CLPB: variants seen among roughly 807,000 people sequenced by gnomAD.
The protein encoded by CLPB is ClpB family mitochondrial disaggregase.
Under a neutral mutation model 78.4 loss-of-function variants are expected in CLPB, and 40 were observed. That is an observed-to-expected ratio of 0.51 (90% CI 0.40 to 0.66). The LOEUF (loss-of-function observed/expected upper bound fraction) is 0.66, where lower values mean the gene tolerates loss of function less well. Among genes scored for constraint, CLPB ranks in the 30% least tolerant of loss-of-function variants. The pLI is 0.00. For synonymous variants in CLPB, 333 were observed against 348.0 expected (o/e 0.96, Z 0.48); for missense variants, 780 against 886.9 (o/e 0.88, Z 1.53).
chr11:72,423,719 C>T (rs539061664), intron 2 of CLPB, among the ~76,000 whole-genome samples: 1 of 152,348 alleles, frequency 6.6e-6, no homozygotes, highest in Non-Finnish European at 1.5e-5. Context: ...AATTCCTCAA[C>T]GGTTGCCCAT....
At chr11:72,363,653 C>T (rs1479189693) in intron 4 of CLPB, 2 of 152,214 alleles carry the variant, frequency 1.3e-5, no homozygotes, top group African/African-American at 4.8e-5. Context: ...CAAGTACTAT[C>T]ATCTCTATTG....
At chr11:72,372,774 C>A (rs1590861351) in intron 4 of CLPB, 1 of 679,666 alleles carries the variant, frequency 1.5e-6, no homozygotes, top group East Asian at 2.6e-5. Flanking sequence ...TCTCCAAGAG[C>A]ATGCATTCTC....
At chr11:72,299,483 G>A (rs1321643527) in intron 11 of CLPB, among the ~76,000 whole-genome samples, 2 of 151,720 alleles carry the variant, frequency 1.3e-5, no homozygotes, top group Non-Finnish European at 2.9e-5. Context: ...CTCTGCAATC[G>A]AGCAGTACTG....
At chr11:72,295,040 G>A (rs1949525449) in intron 12 of CLPB, among the ~76,000 whole-genome samples, 1 of 152,224 alleles carries the variant, frequency 6.6e-6, no homozygotes, top group Non-Finnish European at 1.5e-5. Context: ...ACAGCTTCCT[G>A]CCGGATGTGC....
At chr11:72,349,969 T>A (rs1273122237) in intron 5 of CLPB, among the ~76,000 whole-genome samples, 2 of 152,240 alleles carry the variant, frequency 1.3e-5, no homozygotes, top group Non-Finnish European at 2.9e-5. Context: ...ATCTGAGGAC[T>A]GCTTGGAGCC....
rs77158660 is a variant in CLPB, at chr11:72,381,121, C to G, written c.543-737G>C. ...GAGATTATAGCACCTGGGCGTAGCA[C>G]AGAGGTAAAGAAAAGATTACCTACA... On this transcript the variant is annotated intron_variant, in intron 3 of 15. Coordinates refer to ENST00000538039, the MANE Select transcript of CLPB (RefSeq NM_001258392.3). Among the ~76,000 whole-genome samples, 329 of 152,312 alleles carry G rather than the reference C, an allele frequency of 2.2e-3. 1 individual carries two copies. The highest frequency in any genetic ancestry group is 7.5e-3 in the African/African-American group (313 of 41,556).
At chr11:72,364,236 C>T (rs1208569119) in intron 4 of CLPB, among the ~76,000 whole-genome samples, 1 of 152,068 alleles carries the variant, frequency 6.6e-6, no homozygotes, top group Non-Finnish European at 1.5e-5. Flanking sequence ...TCTTGATGCC[C>T]AGGCTAGAGT....
intron 2 of CLPB, among the ~76,000 whole-genome samples, chr11:72,403,796 C>T (rs1454823915): frequency 2.0e-5 from 3 of 152,216 alleles, no homozygotes; most frequent in East Asian, 3.9e-4. Flanking sequence ...TTAACAAACA[C>T]AGAATTTAAA....
intron 12 of CLPB, among the ~76,000 whole-genome samples, chr11:72,295,235 G>C (rs893730219): frequency 6.6e-6 from 1 of 152,156 alleles, no homozygotes; most frequent in East Asian, 1.9e-4. Context: ...CCCCCACCCT[G>C]GTGTAGCTCT....
chr11:72,335,273 C>A (rs1038572645), intron 5 of CLPB, among the ~76,000 whole-genome samples: 1 of 152,184 alleles, frequency 6.6e-6, no homozygotes, highest in Non-Finnish European at 1.5e-5. Context: ...GGAGCCCACT[C>A]CTCTTCTCTG....
rs778761751 is a variant in CLPB at position 72,294,115 on chromosome 11, C to A, written c.1692G>T (p.Arg564Ser). 4.3e-6 allele frequency: 7 copies of A among 1,614,110 alleles called. No individual in the cohort carries two copies. The Admixed American group carries it at 1.2e-4, about 27-fold the overall frequency. ...GGTCCCAGAGCAGCGTGATGTTGTG[C>A]CTTTGCTTGGCCTGAGATGGGTCAG... The part of the protein sequence containing the change: ...LNFWAKRAKQ[R>S]HNITLLWDRE... Residue 564 changes from arginine (R) to serine (S), a missense_variant, in exon 15 of 16, where the codon AGG becomes AGT. By Grantham distance (110) the Arg-to-Ser change is moderately radical (BLOSUM62 -1). Transcript: ENST00000538039.
At chr11:72,350,737 T>C (rs1302491829) in intron 5 of CLPB, among the ~76,000 whole-genome samples, 1 of 152,248 alleles carries the variant, frequency 6.6e-6, no homozygotes, top group Non-Finnish European at 1.5e-5. Flanking sequence ...CTCCTGGCTT[T>C]CCAGCCTGCT....
chr11:72,326,969 G>A (rs1006139219), intron 6 of CLPB, among the ~76,000 whole-genome samples: 1 of 152,354 alleles, frequency 6.6e-6, no homozygotes, highest in East Asian at 1.9e-4. Flanking sequence ...GGTAGAATCT[G>A]ATGGGACAGC....
At chr11:72,300,370 A>G (rs1273345043) in intron 11 of CLPB, among the ~76,000 whole-genome samples, 1 of 152,204 alleles carries the variant, frequency 6.6e-6, no homozygotes, top group African/African-American at 2.4e-5. Context: ...TACCAGGCAG[A>G]GAGCTCCAAG....
At chr11:72,421,663 G>A (rs561615252) in intron 2 of CLPB, among the ~76,000 whole-genome samples, 23 of 152,306 alleles carry the variant, frequency 1.5e-4, no homozygotes, top group South Asian at 6.2e-4. Context: ...GGCCCACTGC[G>A]TTAGGCCCTG....
At chr11:72,428,030 C>T (rs956962864) in intron 2 of CLPB, among the ~76,000 whole-genome samples, 4 of 152,136 alleles carry the variant, frequency 2.6e-5, no homozygotes, top group African/African-American at 9.7e-5. Context: ...GCTCCCTTTA[C>T]CCCCACTGCC....
At chr11:72,317,073 C>G in intron 7 of CLPB, 33 bp downstream of exon 7, 1 of 1,475,416 alleles carries the variant, frequency 6.8e-7, no homozygotes, top group Non-Finnish European at 9.3e-7. Flanking sequence ...CAAAGGGCAC[C>G]ACTCTGCCCT....
At chr11:72,352,328 A>C (rs1950628744) in intron 5 of CLPB, 1 of 152,186 alleles carries the variant, frequency 6.6e-6, no homozygotes. Context: ...TCTAAATCTT[A>C]ATGATTTTCC....
intron 4 of CLPB, among the ~76,000 whole-genome samples, chr11:72,370,912 A>C (rs141068562): frequency 7.3e-4 from 111 of 152,252 alleles, no homozygotes; most frequent in African/African-American, 2.5e-3. Context: ...CTAAAGGATA[A>C]AGTCCAAGAG....
Sources: allele counts gnomAD v4.1 joint callset (sites outside exome capture counted in the v4.1 genomes callset), GRCh38; gene constraint gnomAD v4.1.1; transcripts MANE v1.5; gene names NCBI Gene and HGNC (gene_info 2026-07-23, HGNC 2026-07-21).